The following GRIA4 variants were observed in gnomAD, a reference collection of about 807,000 sequenced individuals.
GRIA4 encodes glutamate ionotropic receptor AMPA type subunit 4.
GRIA4 carries 34 observed loss-of-function variants against 104.0 expected under a neutral mutation model. The observed-to-expected ratio is 0.33, with a 90% CI of 0.25 to 0.44. The LOEUF is 0.44. Ranked by LOEUF, GRIA4 falls within the 20% of genes least tolerant of loss-of-function variation. The pLI, the probability that GRIA4 is intolerant of heterozygous loss-of-function variation, is 1.00. For missense variants in GRIA4, 750 were observed against 1,096.5 expected (o/e 0.68, Z 4.46); for synonymous variants, 386 against 381.9 (o/e 1.01, Z -0.13).
chr11:105,667,784 T>A lies in GRIA4; in HGVS notation c.247+55350T>A, dbSNP rs910131566. 3.9e-5 allele frequency among the ~76,000 whole-genome samples: 6 copies of A among 152,106 alleles called. 1 individual carries two copies. Among genetic ancestry groups the A allele is most frequent in the African/African-American group, 7.2e-5 (3 of 41,442 alleles). ...TGTGAAATGATCATGGCAATTAAGCTAATTAACATATCTTTTATTTCTCAT... is the reference window on the plus strand; with the variant it reads ...TGTGAAATGATCATGGCAATTAAGCAAATTAACATATCTTTTATTTCTCAT... On this transcript the variant is annotated intron_variant, in intron 3 of 16. Transcript: ENST00000282499.
chr11:105,949,728 G>A (rs1948414848), intron 14 of GRIA4, among the ~76,000 whole-genome samples: 2 of 152,114 alleles, frequency 1.3e-5, no homozygotes, highest in African/African-American at 2.4e-5. Flanking sequence ...AAGGCTAAGA[G>A]AAGGGAAAAA....
At chr11:105,634,470 AAAG>A (rs1565419799) in intron 3 of GRIA4, among the ~76,000 whole-genome samples, 6 of 44,052 alleles carry the variant, frequency 1.4e-4, no homozygotes, top group Non-Finnish European at 3.7e-4. Context: ...AAAGAAAGGG[AAAG>A]AAAGAAAGAA....
rs374644171 is a variant in GRIA4 at position 105,911,857 on chromosome 11, A to G, written c.1269+1312A>G. On this transcript the variant is annotated intron_variant, in intron 10 of 16. Coordinates refer to ENST00000282499, the MANE Select transcript of GRIA4 (RefSeq NM_000829.4). Reference sequence around the variant, plus strand: ...CAGTAATGGAAAGTCATACTTCAGTACAGTCCTCCTCTTTTCAGCCTCTGA... The same window carrying G: ...CAGTAATGGAAAGTCATACTTCAGTGCAGTCCTCCTCTTTTCAGCCTCTGA... The G allele has an allele frequency of 2.5e-5, 37 of 1,489,592 alleles. No homozygotes were observed. In the African/African-American group the frequency reaches 3.2e-4, roughly 13 times the overall value. 92.3% of individuals were successfully genotyped at this position (1,489,592 alleles called of 1,614,324 possible). A position where few individuals can be genotyped will look rare whatever the true frequency, so the allele number is the denominator to read the frequency against.
intron 3 of GRIA4, among the ~76,000 whole-genome samples, chr11:105,660,423 T>G (rs983480041): frequency 6.6e-6 from 1 of 151,710 alleles, no homozygotes; most frequent in African/African-American, 2.4e-5. Context: ...TAGATTTTTT[T>G]GGGCTTAGAA....
chr11:105,954,120 C>T (rs995068107), intron 14 of GRIA4, among the ~76,000 whole-genome samples: 1 of 152,180 alleles, frequency 6.6e-6, no homozygotes, highest in Non-Finnish European at 1.5e-5. Context: ...ATTGCTCATA[C>T]TTCTCTGCCT....
At chr11:105,931,357 T>TA (rs1055858528) in intron 13 of GRIA4, among the ~76,000 whole-genome samples, 70 of 151,710 alleles carry the variant, frequency 4.6e-4, no homozygotes, top group African/African-American at 1.6e-3. Flanking sequence ...AAAAACATTA[T>TA]AAAAAATACT....
At chr11:105,622,581 C>T (rs1433436317) in intron 3 of GRIA4, among the ~76,000 whole-genome samples, 1 of 151,624 alleles carries the variant, frequency 6.6e-6, no homozygotes, top group East Asian at 1.9e-4. Context: ...GATTGTCACT[C>T]ACCACCTGAC....
At chr11:105,843,564 C>T (rs1340638545) in intron 4 of GRIA4, among the ~76,000 whole-genome samples, 3 of 152,162 alleles carry the variant, frequency 2.0e-5, no homozygotes, top group Non-Finnish European at 4.4e-5. Flanking sequence ...TTGCTCTCCA[C>T]GGGAATTTCA....
At chr11:105,859,930 A>G (rs930811303) in intron 4 of GRIA4, among the ~76,000 whole-genome samples, 1 of 152,190 alleles carries the variant, frequency 6.6e-6, no homozygotes, top group Non-Finnish European at 1.5e-5. Flanking sequence ...ATGAGGCATG[A>G]ACATATATAT....
chr11:105,912,638 G>T (rs192119514), intron 10 of GRIA4: 1 of 658,942 alleles, frequency 1.5e-6, no homozygotes, highest in Non-Finnish European at 1.9e-6. Flanking sequence ...TATAATACTA[G>T]TATCTTTTTG....
At chr11:105,809,410 C>A (rs535112074) in intron 4 of GRIA4, among the ~76,000 whole-genome samples, 1 of 152,216 alleles carries the variant, frequency 6.6e-6, no homozygotes, top group Admixed American at 6.6e-5. Flanking sequence ...TAATAAATTA[C>A]TGTTAACTAG....
intron 3 of GRIA4, among the ~76,000 whole-genome samples, chr11:105,641,082 ATGTT>A (rs749734454): frequency 7.9e-5 from 12 of 152,120 alleles, no homozygotes; most frequent in Non-Finnish European, 1.8e-4. Flanking sequence ...GTTTATGAGA[ATGTT>A]TATCCAATAT....
intron 3 of GRIA4, among the ~76,000 whole-genome samples, chr11:105,699,562 T>C (rs548923200): frequency 6.6e-6 from 1 of 151,888 alleles, no homozygotes; most frequent in South Asian, 2.1e-4. Flanking sequence ...CATTCTACTT[T>C]CTATTTTTTT....
intron 5 of GRIA4, among the ~76,000 whole-genome samples, chr11:105,868,344 G>C (rs1213369310): frequency 6.6e-6 from 1 of 152,164 alleles, no homozygotes; most frequent in Non-Finnish European, 1.5e-5. Flanking sequence ...CAAAGTTGAA[G>C]CTGTAAAGAT....
In GRIA4 at chr11:105,945,911, T is replaced by C. The variant is rs117397883; in HGVS notation, c.2294+11942T>C. Among the ~76,000 whole-genome samples, 917 of 152,228 alleles carry C rather than the reference T, an allele frequency of 6.0e-3. 3 individuals are homozygous for C. The highest frequency in any genetic ancestry group is 0.01 in the Non-Finnish European group (709 of 68,002). On this transcript the variant is annotated intron_variant, in intron 14 of 16. Coordinates refer to ENST00000282499, the MANE Select transcript of GRIA4 (RefSeq NM_000829.4). ...AATATCAAAACTAAAATCCAAAGCATTTTTATACAGAAATATATCATTAAG... is the reference window on the plus strand; with the variant it reads ...AATATCAAAACTAAAATCCAAAGCACTTTTATACAGAAATATATCATTAAG...
intron 11 of GRIA4, among the ~76,000 whole-genome samples, chr11:105,920,242 T>C (rs1056849928): frequency 8.5e-5 from 13 of 152,112 alleles, no homozygotes; most frequent in African/African-American, 2.7e-4. Context: ...AATAGCAAAA[T>C]GTATTTTACC....
At chr11:105,624,439 G>A (rs1246975103) in intron 3 of GRIA4, among the ~76,000 whole-genome samples, 1 of 152,032 alleles carries the variant, frequency 6.6e-6, no homozygotes, top group Non-Finnish European at 1.5e-5. Flanking sequence ...AGTACTTCTT[G>A]GAACTAGGAA....
Position 105,926,865 on chromosome 11 carries a change from G to C in GRIA4, c.1972G>C (p.Ala658Pro). The C allele has an allele frequency of 6.2e-7, 1 of 1,612,096 alleles. No individual in the cohort carries two copies. Among genetic ancestry groups the C allele is most frequent in the Non-Finnish European group, 8.5e-7 (1 of 1,178,544 alleles). ...GCGAATGGTCTCTCCCATAGAAAGT[G>C]CAGAAGACCTGGCCAAACAAACAGA... ...VERMVSPIESAEDLAKQTEIA... is the reference protein window; with the variant it reads ...VERMVSPIESPEDLAKQTEIA... The change falls in exon 13 of 17, where the codon GCA becomes CCA. Residue 658 changes from alanine to proline, a missense_variant. Physicochemically the swap from Ala to Pro is conservative, Grantham distance 27. Transcript: ENST00000282499.
At chr11:105,642,012 G>T (rs1951377151) in intron 3 of GRIA4, among the ~76,000 whole-genome samples, 1 of 152,104 alleles carries the variant, frequency 6.6e-6, no homozygotes. Context: ...ATCTCCCTGT[G>T]TCTTAATATG....
Sources: gnomAD v4.1 joint callset for allele counts (sites outside exome capture counted in the v4.1 genomes callset) on GRCh38, gnomAD v4.1.1 for gene constraint, MANE v1.5 for transcripts, NCBI Gene and HGNC (gene_info 2026-07-23, HGNC 2026-07-21) for gene names.